STRN: variants seen among roughly 807,000 people sequenced by gnomAD.
STRN encodes striatin, also known as protein phosphatase 2 regulatory subunit B'''alpha.
A neutral mutation model predicts 96.3 loss-of-function variants in STRN; 53 were observed. That is an observed-to-expected ratio of 0.55 (90% CI 0.44 to 0.69). The LOEUF (loss-of-function observed/expected upper bound fraction) is 0.69. STRN is among the 30% of genes least tolerant of loss of function. STRN has a pLI of 0.00. For synonymous variants in STRN, 428 were observed against 355.9 expected, an observed-to-expected ratio of 1.20 and a Z score of -2.28; for missense variants, 987 against 963.9, an observed-to-expected ratio of 1.02 and a Z score of -0.32.
At chr2:36,875,505 CAAAAAA>C (rs70946953) in intron 10 of STRN, among the ~76,000 whole-genome samples, 1 of 50,978 alleles carries the variant, frequency 2.0e-5, no homozygotes, top group Non-Finnish European at 3.2e-5. Flanking sequence ...GACTCTGCCT[CAAAAAA>C]AAAAAAAAAA....
chr2:36,874,774 C>T (rs10187519), intron 10 of STRN, among the ~76,000 whole-genome samples: 3,280 of 117,460 alleles, frequency 0.028, 52 homozygotes, highest in African/African-American at 0.059. Context: ...TACGCAATAA[C>T]AGTTGACCCA....
At chr2:36,904,401 C>G (rs1488985931) in intron 4 of STRN, among the ~76,000 whole-genome samples, 3 of 152,178 alleles carry the variant, frequency 2.0e-5, no homozygotes, top group Non-Finnish European at 4.4e-5. Context: ...AGGCACAAAT[C>G]TGAATATGAG....
rs1416795529 is a variant in STRN, at chr2:36,902,761, G to A, written c.492-10C>T. 3 of 1,589,396 alleles carry A rather than the reference G, an allele frequency of 1.9e-6. No individual in the cohort carries two copies. Among genetic ancestry groups the A allele is most frequent in the Admixed American group, 1.7e-5 (1 of 57,638 alleles). On this transcript the variant is annotated splice_polypyrimidine_tract_variant and intron_variant, in intron 4 of 17. Coordinates refer to ENST00000263918, the MANE Select transcript of STRN (RefSeq NM_003162.4). ...CACCTCCTGTAGATACCTGTGTGAA[G>A]AGAATCCTTAGAGTTCAGTCATACT...
chr2:36,950,826 A>G (rs531057231), intron 1 of STRN, among the ~76,000 whole-genome samples: 3 of 152,330 alleles, frequency 2.0e-5, no homozygotes, highest in East Asian at 1.9e-4. Flanking sequence ...TTGGCTAGCT[A>G]TAAGCATCTG....
At chr2:36,919,717 G>A (rs1248987265) in intron 2 of STRN, among the ~76,000 whole-genome samples, 1 of 152,184 alleles carries the variant, frequency 6.6e-6, no homozygotes, top group African/African-American at 2.4e-5. Flanking sequence ...GGAAATACTA[G>A]AAGCAAGGAG....
At chr2:36,856,710 T>G (rs1431656977) in intron 14 of STRN, among the ~76,000 whole-genome samples, 1 of 152,208 alleles carries the variant, frequency 6.6e-6, no homozygotes, top group Non-Finnish European at 1.5e-5. Flanking sequence ...TCATACGGTT[T>G]GGATCTGTGT....
At chr2:36,884,106 TAAA>T in intron 8 of STRN, 31 bp from the exon 9 acceptor site, 1 of 1,313,674 alleles carries the variant, frequency 7.6e-7, no homozygotes, top group East Asian at 2.8e-5. Context: ...TGGGAGGAGA[TAAA>T]AAAGAGAAAA....
intron 6 of STRN, among the ~76,000 whole-genome samples, chr2:36,899,188 CATG>C (rs1669619306): frequency 1.3e-5 from 2 of 152,168 alleles, no homozygotes; most frequent in Admixed American, 6.5e-5. Flanking sequence ...CATCAGGCAC[CATG>C]ATGTGTCTGT....
chr2:36,863,675 A>AT (rs1306840427), intron 12 of STRN, among the ~76,000 whole-genome samples: 4 of 152,048 alleles, frequency 2.6e-5, no homozygotes, highest in South Asian at 4.2e-4. Flanking sequence ...AATTTTAAAC[A>AT]TTTTTTCTAA....
intron 1 of STRN, among the ~76,000 whole-genome samples, chr2:36,933,045 A>AT (rs56808546): frequency 6.8e-4 from 96 of 141,710 alleles, no homozygotes; most frequent in Non-Finnish European, 9.9e-4. Flanking sequence ...TAGAAATTCC[A>AT]TTTTTTTTTA....
chr2:36,866,702 G>A (rs1668638174), intron 12 of STRN, among the ~76,000 whole-genome samples: 1 of 152,226 alleles, frequency 6.6e-6, no homozygotes, highest in East Asian at 1.9e-4. Context: ...ATTAATCTGG[G>A]TGCTCCTATG....
At position 36,846,413 on chromosome 2, in the gene STRN, A is replaced by ATT. The variant is rs1668078073; in HGVS notation, c.*3042_*3043insAA. On this transcript the variant is annotated 3_prime_UTR_variant, in exon 18 of 18. Transcript: ENST00000263918. ...TATATATATATATATATATATATAT[A>ATT]TATATATATATATATAGTTTATATA... 7.6e-6 allele frequency: 1 copy of ATT among 131,244 alleles called. No homozygotes were observed. The highest frequency in any genetic ancestry group is 2.9e-5 in the African/African-American group (1 of 34,628). 8.1% of individuals were successfully genotyped at this position (131,244 alleles called of 1,614,324 possible). A position where few individuals can be genotyped will look rare whatever the true frequency, so the allele number is the denominator to read the frequency against.
In STRN at chr2:36,883,971, A is replaced by G. The variant is rs762378532; in HGVS notation, c.1147T>C (p.Ser383Pro). 4 of 1,430,560 alleles carry G rather than the reference A, an allele frequency of 2.8e-6. No homozygotes were observed. Among genetic ancestry groups the G allele is most frequent in the Non-Finnish European group, 2.8e-6 (3 of 1,087,440 alleles). The allele number at this position is 1,430,560 out of a possible 1,614,324, so 88.6% of individuals were successfully genotyped here. ...TTAATTTCATGTTCAGGAAGCCTGG[A>G]GCTGCTGGGTCTGGAAGGTGAACCC... Reference protein sequence around the residue: ...SVGSPSRPSSSRLPEHEINRA... With the variant: ...SVGSPSRPSSPRLPEHEINRA... The change falls in exon 9 of 18, where the codon TCC becomes CCC. Residue 383 changes from serine to proline, a missense_variant. Physicochemically the swap from Ser to Pro is moderately conservative, Grantham distance 74. Coordinates refer to ENST00000263918, the MANE Select transcript of STRN (RefSeq NM_003162.4).
At chr2:36,930,598 GTGA>G (rs1558658053) in intron 1 of STRN, among the ~76,000 whole-genome samples, 5 of 152,064 alleles carry the variant, frequency 3.3e-5, no homozygotes, top group Non-Finnish European at 7.3e-5. Flanking sequence ...AAGTACCCAG[GTGA>G]TAATGCTGCT....
chr2:36,964,783 C>T (rs1052669976), intron 1 of STRN, among the ~76,000 whole-genome samples: 1 of 152,168 alleles, frequency 6.6e-6, no homozygotes, highest in Non-Finnish European at 1.5e-5. Flanking sequence ...CACTATAAGC[C>T]ATTATATTCT....
At chr2:36,885,981 A>G (rs754073251) in intron 8 of STRN, among the ~76,000 whole-genome samples, 3 of 152,130 alleles carry the variant, frequency 2.0e-5, no homozygotes, top group Non-Finnish European at 4.4e-5. Flanking sequence ...AATGGTTTGT[A>G]AGGTTTTGTA....
At chr2:36,852,792 A>G (rs898767952) in intron 15 of STRN, among the ~76,000 whole-genome samples, 8 of 152,220 alleles carry the variant, frequency 5.3e-5, no homozygotes, top group Non-Finnish European at 8.8e-5. Context: ...TCCTAGAAAT[A>G]TAACATCTTA....
At chr2:36,955,778 G>A (rs893774084) in intron 1 of STRN, among the ~76,000 whole-genome samples, 13 of 152,172 alleles carry the variant, frequency 8.5e-5, no homozygotes, top group African/African-American at 3.1e-4. Flanking sequence ...CCGCTTATAT[G>A]AAATGCTCGG....
intron 5 of STRN, 41 bp downstream of exon 5, chr2:36,902,543 A>C: frequency 1.3e-6 from 2 of 1,529,332 alleles, no homozygotes; most frequent in Non-Finnish European, 1.8e-6. Flanking sequence ...ATTTAATAAG[A>C]ACTAATAATA....
Sources: gnomAD v4.1 joint callset for allele counts (sites outside exome capture counted in the v4.1 genomes callset) on GRCh38, gnomAD v4.1.1 for gene constraint, MANE v1.5 for transcripts, NCBI Gene and HGNC (gene_info 2026-07-23, HGNC 2026-07-21) for gene names.